The following ASNS variants were observed in gnomAD, a reference collection of about 807,000 sequenced individuals.
The protein encoded by ASNS is asparagine synthetase [glutamine-hydrolyzing].
In ASNS, 37 loss-of-function variants were observed where a neutral mutation model predicts 62.6. The ratio of observed to expected loss-of-function variants is 0.59; its 90% confidence interval spans 0.45 to 0.78. The LOEUF (loss-of-function observed/expected upper bound fraction) is 0.78, where lower values mean the gene tolerates loss of function less well. Among genes scored for constraint, ASNS ranks in the 30% least tolerant of loss-of-function variants. The pLI, the probability that ASNS is intolerant of heterozygous loss-of-function variation, is 0.00. For missense variants in ASNS, 520 were observed against 682.4 expected (o/e 0.76, Z 2.65); for synonymous variants, 207 against 237.9 (o/e 0.87, Z 1.19).
At position 97,856,369 on chromosome 7, in the gene ASNS, T is replaced by C. The variant is rs150347488; in HGVS notation, c.1030+321A>G. Among the ~76,000 whole-genome samples, 734 of 152,308 alleles carry C rather than the reference T, an allele frequency of 4.8e-3. 14 individuals are homozygous for C. Among genetic ancestry groups the C allele is most frequent in the African/African-American group, 0.017 (696 of 41,558 alleles). The stretch of plus-strand genomic sequence containing the variant: ...TGCATTACCAAAAAGACCTATTTCC[T>C]CACTGTATATAGACTGTAGCCCAAG... On this transcript the variant is annotated intron_variant, in intron 8 of 12. Coordinates refer to ENST00000394308, the MANE Select transcript of ASNS (RefSeq NM_001673.5).
At chr7:97,880,834 C>T in the ASNS span, among the ~76,000 whole-genome samples, 1 of 152,192 alleles carries the variant, frequency 6.6e-6, no homozygotes, top group South Asian at 2.1e-4. Context: ...TTTTAAAACC[C>T]CAGTGCCCGG....
At chr7:97,926,183 C>A in the ASNS span, among the ~76,000 whole-genome samples, 2 of 151,986 alleles carry the variant, frequency 1.3e-5, no homozygotes, top group Admixed American at 6.6e-5. Flanking sequence ...TGCCACCCAA[C>A]CACGAGATCA....
intron 7 of ASNS, 143 bp downstream of exon 7, chr7:97,858,135 C>G (rs1248361828): frequency 8.8e-7 from 1 of 1,132,666 alleles, no homozygotes; most frequent in African/African-American, 1.6e-5. Flanking sequence ...ACAGCCATTT[C>G]ATTCTATTTT....
the ASNS span, chr7:97,898,590 G>C: frequency 8.1e-6 from 5 of 620,818 alleles, no homozygotes; most frequent in African/African-American, 9.2e-5. Context: ...CAAGTCATTT[G>C]TCTGCATCTC....
chr7:97,884,490 C>T, the ASNS span, among the ~76,000 whole-genome samples: 14,897 of 152,038 alleles, frequency 0.098, 1,175 homozygotes, highest in East Asian at 0.25. Context: ...CAGAGGTTGC[C>T]GTGAGCCAAG....
the ASNS span, among the ~76,000 whole-genome samples, chr7:97,890,085 A>G: frequency 6.6e-6 from 1 of 152,028 alleles, no homozygotes; most frequent in African/African-American, 2.4e-5. Context: ...CAGCTTTAAC[A>G]ATAGACTAGA....
At chr7:97,900,360 C>CAAAA in the ASNS span, among the ~76,000 whole-genome samples, 226 of 89,158 alleles carry the variant, frequency 2.5e-3, 10 homozygotes, top group African/African-American at 9.7e-3. Flanking sequence ...GACTTTGTCT[C>CAAAA]AAAAAAAAAA....
chr7:97,901,696 G>C, the ASNS span, among the ~76,000 whole-genome samples: 1 of 151,962 alleles, frequency 6.6e-6, no homozygotes. Context: ...TTATGTGTGG[G>C]CCCAGGCGCA....
the ASNS span, among the ~76,000 whole-genome samples, chr7:97,897,866 A>G: frequency 7.7e-3 from 1,168 of 152,328 alleles, 19 homozygotes; most frequent in African/African-American, 0.026. Context: ...GTGTCAATCA[A>G]TGGATGAATG....
chr7:97,896,741 CATATAT>C, the ASNS span, among the ~76,000 whole-genome samples: 206 of 19,788 alleles, frequency 0.01, 4 homozygotes, highest in Middle Eastern at 0.056. Context: ...CACACACACA[CATATAT>C]ATATATATAT....
upstream of ASNS, among the ~76,000 whole-genome samples, chr7:97,876,849 C>G (rs553102350): frequency 6.6e-6 from 1 of 152,008 alleles, no homozygotes; most frequent in African/African-American, 2.4e-5. Context: ...AGGAAGGCAT[C>G]GAGAGAGGGG....
At position 97,868,962 on chromosome 7, in the gene ASNS, C is replaced by T; in HGVS notation, c.195G>A (p.Lys65=). 1.2e-6 allele frequency: 2 copies of T among 1,614,206 alleles called. No homozygotes were observed. Among genetic ancestry groups the T allele is most frequent in the African/African-American group, 1.3e-5 (1 of 75,052 alleles). The change falls in exon 3 of 13, where the codon AAG becomes AAA. Residue 65 remains lysine, a synonymous_variant. Coordinates refer to ENST00000394308, the MANE Select transcript of ASNS (RefSeq NM_001673.5). ...AACAGAGCCACAAATACGGATATTT[C>T]TTCACTCGAATTGGCTGCATTCCAA... is the stretch of plus-strand genomic sequence containing the variant. The part of the protein sequence containing the change: ...PLFGMQPIRV[K]KYPYLWLCYN...
At chr7:97,872,514 C>A (rs1428084408), upstream of ASNS, 1 of 152,462 alleles carries the variant, frequency 6.6e-6, no homozygotes, top group Non-Finnish European at 1.5e-5. Context: ...AGGGGCGGGG[C>A]CGCGGGGTGT....
chr7:97,879,994 T>C, the ASNS span, among the ~76,000 whole-genome samples: 4 of 152,206 alleles, frequency 2.6e-5, no homozygotes, highest in African/African-American at 9.6e-5. Context: ...GATTGTTCTC[T>C]TCCTACCCAG....
At chr7:97,913,076 C>A in the ASNS span, 1 of 151,910 alleles carries the variant, frequency 6.6e-6, no homozygotes, top group Non-Finnish European at 1.5e-5. Flanking sequence ...TCCAATCCCA[C>A]TTTCCAGAAG....
chr7:97,896,821 C>G, the ASNS span, among the ~76,000 whole-genome samples: 4 of 131,030 alleles, frequency 3.1e-5, no homozygotes, highest in Non-Finnish European at 6.5e-5. Context: ...AAAACAGACA[C>G]AAAAACAAAG....
At chr7:97,884,910 A>G in the ASNS span, among the ~76,000 whole-genome samples, 1 of 152,000 alleles carries the variant, frequency 6.6e-6, no homozygotes, top group African/African-American at 2.4e-5. Context: ...AGCCCTGACA[A>G]TCTACTTTTT....
the ASNS span, among the ~76,000 whole-genome samples, chr7:97,907,690 A>C: frequency 2.7e-3 from 403 of 151,756 alleles, 2 homozygotes; most frequent in African/African-American, 9.5e-3. Context: ...AATGGTGTGA[A>C]CCCAGGAGGC....
chr7:97,909,299 T>A, the ASNS span, among the ~76,000 whole-genome samples: 1 of 81,154 alleles, frequency 1.2e-5, no homozygotes, highest in Non-Finnish European at 2.3e-5. Flanking sequence ...ATACACTTTT[T>A]TTTTTTTTTT....
Sources: gnomAD v4.1 joint callset for allele counts (sites outside exome capture counted in the v4.1 genomes callset) on GRCh38, gnomAD v4.1.1 for gene constraint, MANE v1.5 for transcripts, NCBI Gene and HGNC (gene_info 2026-07-23, HGNC 2026-07-21) for gene names.